Variants in LRRC43 observed in about 807,000 individuals in gnomAD.
LRRC43 encodes the protein leucine rich repeat containing 43, also known as leucine-rich repeat-containing protein 43.
Under a neutral mutation model 64.3 loss-of-function variants are expected in LRRC43, and 62 were observed. That is an observed-to-expected ratio of 0.96 (90% CI 0.79 to 1.19). LRRC43 has a LOEUF of 1.19. LRRC43 is among the 50% of genes most tolerant of loss of function. The probability of loss-of-function intolerance (pLI) is 0.00; values close to 1 mark genes in which losing one functional copy is unlikely to be tolerated. For missense variants in LRRC43, 868 were observed against 845.0 expected, an observed-to-expected ratio of 1.03 and a Z score of -0.34; for synonymous variants, 422 against 382.3, an observed-to-expected ratio of 1.10 and a Z score of -1.21.
chr12:122,173,859 C>A (rs1257833929), intron 1 of LRRC43: 1 of 1,613,962 alleles, frequency 6.2e-7, no homozygotes, highest in Admixed American at 1.7e-5. Flanking sequence ...TCAAAAGCAT[C>A]TTCGAGAGGG....
In LRRC43 at chr12:122,183,211, G is replaced by A. The variant is rs1953600622; in HGVS notation, c.67G>A (p.Gly23Arg). The change falls in exon 1 of 12, where the codon GGG (glycine) becomes AGG (arginine). Residue 23 changes from glycine (G) to arginine (R), a missense_variant. By Grantham distance (125) the Gly-to-Arg change is moderately radical. Coordinates refer to ENST00000339777, the MANE Select transcript of LRRC43 (RefSeq NM_001098519.2). ...GGCCGGGCCTGGGACTCAGCGGCCCGGGACCGGGACCGTGAGCGCGGCCGT... is the reference window on the plus strand; with the variant it reads ...GGCCGGGCCTGGGACTCAGCGGCCCAGGACCGGGACCGTGAGCGCGGCCGT... ...SEAGPGTQRP[G>R]TGTVSAAVRE... 6.4e-7 allele frequency: 1 copy of A among 1,562,516 alleles called. No homozygotes were observed. The highest frequency in any genetic ancestry group is 8.6e-7 in the Non-Finnish European group (1 of 1,163,334).
chr12:122,171,537 G>T (rs1291735218), intron 1 of LRRC43, among the ~76,000 whole-genome samples: 1 of 151,768 alleles, frequency 6.6e-6, no homozygotes, highest in Non-Finnish European at 1.5e-5. Context: ...TTTTGGGTTG[G>T]TTTTTTTAGA....
At chr12:122,177,291 G>A (rs1478993106) in intron 1 of LRRC43, among the ~76,000 whole-genome samples, 2 of 152,134 alleles carry the variant, frequency 1.3e-5, no homozygotes, top group African/African-American at 4.8e-5. Context: ...AAGATGGTGG[G>A]GGGCAGCGTG....
chr12:122,180,584 A>G (rs1953573363), upstream of LRRC43, among the ~76,000 whole-genome samples: 1 of 152,088 alleles, frequency 6.6e-6, no homozygotes, highest in South Asian at 2.1e-4. Context: ...ATGAGAAGGA[A>G]GAGAAAAGAG....
Position 122,190,194 on chromosome 12 carries a change from A to G in LRRC43, c.727A>G (p.Ser243Gly). The change falls in exon 5 of 12, where the codon AGC becomes GGC. Residue 243 changes from serine to glycine, a missense_variant. By Grantham distance (56) the Ser-to-Gly change is moderately conservative. Transcript: ENST00000339777. ...DLTDLQSMVT[S>G]LRTLRHLRLL... ...GACAGACCTGCAGAGCATGGTCACC[A>G]GCCTGAGGACCCTCCGGCACCTGCG... The G allele has an allele frequency of 6.2e-7, 1 of 1,614,106 alleles. No homozygotes were observed. Among genetic ancestry groups the G allele is most frequent in the Non-Finnish European group, 8.5e-7 (1 of 1,180,016 alleles).
chr12:122,188,307 CTG>C (rs1051942717), intron 4 of LRRC43, among the ~76,000 whole-genome samples: 6 of 151,998 alleles, frequency 3.9e-5, no homozygotes, highest in African/African-American at 1.2e-4. Flanking sequence ...CGGGGTTTCA[CTG>C]TGTTAGCCAG....
Position 122,184,881 on chromosome 12 carries a change from T to C in LRRC43, c.411+102T>C. On this transcript the variant is annotated intron_variant, in intron 2 of 11. Coordinates refer to ENST00000339777, the MANE Select transcript of LRRC43 (RefSeq NM_001098519.2). This position sits in a 1 kb window ranked among gnomAD's most constrained non-coding sequence, Gnocchi z 4.0. ...CCACAGCGCGTCAGGGATCCTGCTTTCAGGGCTGAAACGAAGGCCAGCCTG... is the reference window on the plus strand; with the variant it reads ...CCACAGCGCGTCAGGGATCCTGCTTCCAGGGCTGAAACGAAGGCCAGCCTG... 1 of 1,350,158 alleles carries C rather than the reference T, an allele frequency of 7.4e-7. No individual in the cohort carries two copies. The highest frequency in any genetic ancestry group is 1.5e-5 in the African/African-American group (1 of 68,846). The allele number at this position is 1,350,158 out of a possible 1,614,324, so 83.6% of individuals were successfully genotyped here.
At chr12:122,185,950 A>G (rs73419760) in intron 2 of LRRC43, among the ~76,000 whole-genome samples, 3,868 of 152,300 alleles carry the variant, frequency 0.025, 181 homozygotes, top group African/African-American at 0.088. Flanking sequence ...AACAAAGGAC[A>G]CAGGTCATTG....
intron 1 of LRRC43, among the ~76,000 whole-genome samples, chr12:122,173,570 G>A (rs1207778549): frequency 6.6e-6 from 1 of 152,064 alleles, no homozygotes; most frequent in Non-Finnish European, 1.5e-5. Flanking sequence ...TGTAGTCCCA[G>A]CTACTCGGGA....
intron 1 of LRRC43, among the ~76,000 whole-genome samples, chr12:122,175,320 C>A (rs918566920): frequency 6.6e-6 from 1 of 151,860 alleles, no homozygotes; most frequent in Non-Finnish European, 1.5e-5. Context: ...CAGGCGCCCA[C>A]CACCACGCAC....
At chr12:122,173,901 A>G (rs1462653454) in intron 1 of LRRC43, 5 of 1,614,012 alleles carry the variant, frequency 3.1e-6, no homozygotes, top group Non-Finnish European at 4.2e-6. Context: ...TCTGTACATC[A>G]TCACTTGGTC....
chr12:122,200,235 C>A lies in LRRC43; in HGVS notation c.1396C>A (p.Pro466Thr). Reference protein sequence around the residue: ...TAHKPWAEVIPCSYEMQHSLR... With the variant: ...TAHKPWAEVITCSYEMQHSLR... ...CCACAAGCCCTGGGCTGAGGTCATC[C>A]CCTGCAGTTACGAGATGCAGCACTC... is the stretch of plus-strand genomic sequence containing the variant. Residue 466 changes from proline (P) to threonine (T), a missense_variant, in exon 8 of 12, where the codon CCC becomes ACC. Physicochemically the swap from Pro to Thr is conservative, Grantham distance 38 (BLOSUM62 -1). Coordinates refer to ENST00000339777, the MANE Select transcript of LRRC43 (RefSeq NM_001098519.2). The surrounding 1 kb of genome is among the most constrained non-coding windows in gnomAD (Gnocchi z 4.6). 6.2e-7 allele frequency: 1 copy of A among 1,614,082 alleles called. No homozygotes were observed. Among genetic ancestry groups the A allele is most frequent in the Non-Finnish European group, 8.5e-7 (1 of 1,180,018 alleles).
chr12:122,199,734 C>A (rs1953813116), intron 7 of LRRC43, among the ~76,000 whole-genome samples: 1 of 152,114 alleles, frequency 6.6e-6, no homozygotes, highest in African/African-American at 2.4e-5. Context: ...CAGCCATGTG[C>A]CACCACGCCC....
At chr12:122,197,301 C>T (rs1360968504) in intron 7 of LRRC43, among the ~76,000 whole-genome samples, 2 of 150,964 alleles carry the variant, frequency 1.3e-5, no homozygotes, top group East Asian at 4.0e-4. Flanking sequence ...GCTGGGATTA[C>T]AGATGCATGT....
At chr12:122,175,083 G>A (rs1274399370) in intron 1 of LRRC43, among the ~76,000 whole-genome samples, 2 of 152,036 alleles carry the variant, frequency 1.3e-5, no homozygotes, top group Non-Finnish European at 2.9e-5. Context: ...CAGGTGATCT[G>A]CCTGCCTCGG....
At chr12:122,192,102 C>T (rs1384367645) in intron 6 of LRRC43, among the ~76,000 whole-genome samples, 1 of 151,992 alleles carries the variant, frequency 6.6e-6, no homozygotes, top group Non-Finnish European at 1.5e-5. Flanking sequence ...TTTCATAAGT[C>T]AGCCCCTTGT....
chr12:122,188,167 C>T (rs930008733), intron 4 of LRRC43, among the ~76,000 whole-genome samples: 112 of 152,222 alleles, frequency 7.4e-4, no homozygotes, highest in Admixed American at 7.2e-4. Flanking sequence ...AGCGCATTGG[C>T]GCCATCTCTG....
At chr12:122,171,055 C>T (rs751676113) in intron 1 of LRRC43, among the ~76,000 whole-genome samples, 159 of 152,332 alleles carry the variant, frequency 1.0e-3, no homozygotes, top group Non-Finnish European at 1.7e-3. Context: ...GTGGACTTAA[C>T]ATTGATTCAA....
chr12:122,199,900 A>G (rs139174755), intron 7 of LRRC43, among the ~76,000 whole-genome samples: 1 of 152,244 alleles, frequency 6.6e-6, no homozygotes, highest in Non-Finnish European at 1.5e-5. Context: ...TGAACTTTTA[A>G]CAAACAACTC....
Sources: gnomAD v4.1 joint callset for allele counts (sites outside exome capture counted in the v4.1 genomes callset) on GRCh38, gnomAD v4.1.1 for gene constraint, Gnocchi (gnomAD v3.1) non-coding constraint, MANE v1.5 for transcripts, NCBI Gene and HGNC (gene_info 2026-07-23, HGNC 2026-07-21) for gene names.